RAD51B: variants seen among roughly 807,000 people sequenced by gnomAD.
RAD51B encodes the protein DNA repair protein RAD51 homolog 2.
In RAD51B, 38 loss-of-function variants were observed where a neutral mutation model predicts 42.2. That is an observed-to-expected ratio of 0.90 (90% confidence interval 0.70 to 1.18). The LOEUF (loss-of-function observed/expected upper bound fraction) is 1.18. RAD51B is among the 50% of genes most tolerant of loss of function. RAD51B has a pLI of 0.00. For synonymous variants in RAD51B, 154 were observed against 145.2 expected (o/e 1.06, Z -0.43); for missense variants, 373 against 400.7 (o/e 0.93, Z 0.59).
At position 67,991,975 on chromosome 14, in the gene RAD51B, G is replaced by A. The variant is rs192737293; in HGVS notation, c.756+104771G>A. ...GTAGGGGTAGGAAAAAAGGCTTAAC[G>A]TTCCTAAGTTAACAGAAAACTTAAT... is the stretch of plus-strand genomic sequence containing the variant. On this transcript the variant is annotated intron_variant, in intron 7 of 10. Coordinates refer to ENST00000471583, the MANE Select transcript of RAD51B (RefSeq NM_133510.4). 9.9e-5 allele frequency among the ~76,000 whole-genome samples: 15 copies of A among 152,206 alleles called. No homozygotes were observed. In the East Asian group the frequency reaches 1.3e-3, roughly 14 times the overall value.
intron 10 of RAD51B, among the ~76,000 whole-genome samples, chr14:68,473,015 A>C (rs750873377): frequency 1.3e-5 from 2 of 152,240 alleles, no homozygotes; most frequent in Non-Finnish European, 2.9e-5. Context: ...TCACTGAGCC[A>C]GCTGGATGAT....
At chr14:68,472,687 G>A (rs906883364) in intron 10 of RAD51B, among the ~76,000 whole-genome samples, 8 of 152,160 alleles carry the variant, frequency 5.3e-5, no homozygotes, top group African/African-American at 1.7e-4. Flanking sequence ...TGGGGCTGTC[G>A]TCTATTAGTG....
At chr14:67,922,996 A>G (rs1032211291) in intron 7 of RAD51B, among the ~76,000 whole-genome samples, 1 of 151,842 alleles carries the variant, frequency 6.6e-6, no homozygotes, top group Non-Finnish European at 1.5e-5. Context: ...CAGCCGTAAT[A>G]TGTGGTCTTT....
chr14:67,878,127 C>A (rs1376913429), intron 5 of RAD51B, among the ~76,000 whole-genome samples: 1 of 152,126 alleles, frequency 6.6e-6, no homozygotes, highest in African/African-American at 2.4e-5. Context: ...CATCAGAAAT[C>A]CATTAAGGAT....
At chr14:67,857,004 G>T (rs2042017344) in intron 4 of RAD51B, among the ~76,000 whole-genome samples, 1 of 152,012 alleles carries the variant, frequency 6.6e-6, no homozygotes, top group Non-Finnish European at 1.5e-5. Flanking sequence ...TTCTGGTTTG[G>T]CATGTTTTCT....
At chr14:67,826,329 A>C (rs564451821) in intron 3 of RAD51B, among the ~76,000 whole-genome samples, 2 of 152,312 alleles carry the variant, frequency 1.3e-5, no homozygotes, top group East Asian at 3.9e-4. Context: ...GGTAATTAAA[A>C]ATTTATCCTT....
intron 7 of RAD51B, among the ~76,000 whole-genome samples, chr14:68,208,193 G>A (rs979084551): frequency 2.0e-5 from 3 of 152,038 alleles, no homozygotes; most frequent in African/African-American, 7.3e-5. Context: ...CCTACAGTGG[G>A]AAAAGCCTCA....
intron 7 of RAD51B, among the ~76,000 whole-genome samples, chr14:68,053,794 C>T (rs757103529): frequency 6.6e-6 from 1 of 152,158 alleles, no homozygotes; most frequent in Non-Finnish European, 1.5e-5. Context: ...AGATTCCTCA[C>T]GTTACTTGAA....
intron 4 of RAD51B, among the ~76,000 whole-genome samples, chr14:67,856,834 C>T (rs1359058768): frequency 7.0e-6 from 1 of 143,308 alleles, no homozygotes; most frequent in East Asian, 1.9e-4. Flanking sequence ...GAGTGATATT[C>T]ACTACTGACT....
chr14:68,028,649 A>C (rs1190985388), intron 7 of RAD51B, among the ~76,000 whole-genome samples: 1 of 152,180 alleles, frequency 6.6e-6, no homozygotes, highest in Non-Finnish European at 1.5e-5. Flanking sequence ...GCTGCTGGAA[A>C]TGTACTCAAG....
chr14:68,300,140 G>A (rs1246628975), intron 8 of RAD51B, among the ~76,000 whole-genome samples: 1 of 152,196 alleles, frequency 6.6e-6, no homozygotes, highest in Non-Finnish European at 1.5e-5. Flanking sequence ...TTGTCCAGCT[G>A]AGCAGATATT....
rs185303011 is a variant in RAD51B at position 68,180,019 on chromosome 14, C to T, written c.757-111865C>T. On this transcript the variant is annotated intron_variant, in intron 7 of 10. Transcript: ENST00000471583. ...TGGGGGGAGAGGGTGCCCTGTATTC[C>T]ACCCTTTATTCCCCCCTTGCATTCT... Among the ~76,000 whole-genome samples, 410 of 152,168 alleles carry T rather than the reference C, an allele frequency of 2.7e-3. 1 individual carries two copies. The highest frequency in any genetic ancestry group is 4.5e-3 in the Non-Finnish European group (307 of 67,976).
intron 7 of RAD51B, among the ~76,000 whole-genome samples, chr14:68,238,531 C>T (rs1460425962): frequency 6.6e-6 from 1 of 152,110 alleles, no homozygotes; most frequent in Non-Finnish European, 1.5e-5. Context: ...TCTCAAATTC[C>T]TGCCCTCAAG....
intron 7 of RAD51B, among the ~76,000 whole-genome samples, chr14:68,087,154 G>T (rs1276703556): frequency 6.6e-6 from 1 of 151,600 alleles, no homozygotes. Context: ...AAAAAAGAGA[G>T]AGAGAGATGC....
At chr14:68,390,209 A>G (rs916181099) in intron 8 of RAD51B, among the ~76,000 whole-genome samples, 2 of 152,238 alleles carry the variant, frequency 1.3e-5, no homozygotes, top group African/African-American at 4.8e-5. Context: ...TGTTGTGGAT[A>G]TAGTTGCTGA....
chr14:68,211,519 A>C (rs1412928422), intron 7 of RAD51B, among the ~76,000 whole-genome samples: 1 of 152,248 alleles, frequency 6.6e-6, no homozygotes, highest in Non-Finnish European at 1.5e-5. Flanking sequence ...GAGAGCTCCT[A>C]GCTTTCTTAA....
chr14:68,354,643 A>G (rs887122447), intron 8 of RAD51B, among the ~76,000 whole-genome samples: 1 of 152,156 alleles, frequency 6.6e-6, no homozygotes, highest in African/African-American at 2.4e-5. Context: ...CGAAGTTGGG[A>G]GGATCACTTG....
At chr14:68,673,446 A>G (rs1435148626) in intron 11 of RAD51B, among the ~76,000 whole-genome samples, 2 of 152,122 alleles carry the variant, frequency 1.3e-5, no homozygotes, top group African/African-American at 4.8e-5. Flanking sequence ...GCACACACGT[A>G]CACATACTGT....
intron 8 of RAD51B, among the ~76,000 whole-genome samples, chr14:68,346,078 A>G (rs1456152473): frequency 2.0e-5 from 3 of 152,242 alleles, no homozygotes; most frequent in Non-Finnish European, 4.4e-5. Context: ...AAGATCCTAT[A>G]TTTGTTTTTG....
Sources: gnomAD v4.1 joint callset for allele counts (sites outside exome capture counted in the v4.1 genomes callset) on GRCh38, gnomAD v4.1.1 for gene constraint, MANE v1.5 for transcripts, NCBI Gene and HGNC (gene_info 2026-07-23, HGNC 2026-07-21) for gene names.